Variants in CNTN6 observed in about 807,000 individuals in gnomAD.
CNTN6 encodes contactin-6.
CNTN6 carries 137 observed loss-of-function variants against 122.8 expected under a neutral mutation model. The ratio of observed to expected loss-of-function variants is 1.12; its 90% CI spans 0.97 to 1.29. CNTN6 has a LOEUF of 1.29. Ranked by LOEUF, CNTN6 falls within the 50% of genes most tolerant of loss-of-function variation. CNTN6 has a pLI of 0.00. For synonymous variants in CNTN6, 570 were observed against 426.0 expected (o/e 1.34, Z -4.16); for missense variants, 1,634 against 1,223.4 (o/e 1.34, Z -5.01).
chr3:1,179,802 T>C (rs192009602), intron 2 of CNTN6, among the ~76,000 whole-genome samples: 127 of 152,258 alleles, frequency 8.3e-4, no homozygotes, highest in Non-Finnish European at 1.4e-3. Flanking sequence ...AAAGAGCCTA[T>C]TCTGGGTGCA....
Position 1,147,926 on chromosome 3 carries a change from G to T in CNTN6, c.-82-1G>T. On this transcript the variant is annotated splice_acceptor_variant, in intron 1 of 22. Coordinates refer to ENST00000446702, the MANE Select transcript of CNTN6 (RefSeq NM_001289080.2). LOFTEE classifies it low-confidence loss of function (5UTR_SPLICE). ...TTTCATGACAATTTTGTCTTTTTCA[G>T]ACTCTTGAGATACTGACTGGAAGAT... 1 of 908,770 alleles carries T rather than the reference G, an allele frequency of 1.1e-6. No individual in the cohort carries two copies. The highest frequency in any genetic ancestry group is 1.6e-5 in the South Asian group (1 of 60,610). The allele number at this position is 908,770 out of a possible 1,614,324, so 56.3% of individuals were successfully genotyped here.
At chr3:1,245,225 T>TAAC (rs1308618434) in intron 4 of CNTN6, among the ~76,000 whole-genome samples, 1,215 of 17,192 alleles carry the variant, frequency 0.071, 228 homozygotes, top group Non-Finnish European at 0.091. Flanking sequence ...TATATATATA[T>TAAC]ATATATATAT....
At chr3:1,232,916 G>A (rs145247225) in intron 4 of CNTN6, among the ~76,000 whole-genome samples, 2 of 152,302 alleles carry the variant, frequency 1.3e-5, no homozygotes, top group East Asian at 1.9e-4. Context: ...CGGAAGAACA[G>A]TAAGAGGAAA....
At chr3:1,370,697 A>G (rs529641473) in intron 12 of CNTN6, among the ~76,000 whole-genome samples, 3 of 152,028 alleles carry the variant, frequency 2.0e-5, no homozygotes, top group Admixed American at 1.3e-4. Context: ...AAAATACAAA[A>G]ATTTACCTGG....
chr3:1,239,479 C>A (rs529314102), intron 4 of CNTN6, among the ~76,000 whole-genome samples: 19 of 152,192 alleles, frequency 1.2e-4, no homozygotes, highest in African/African-American at 4.6e-4. Context: ...ATGTGAAAGA[C>A]CTCTACAAGG....
intron 4 of CNTN6, among the ~76,000 whole-genome samples, chr3:1,272,935 G>T (rs77251264): frequency 1.3e-5 from 2 of 152,150 alleles, no homozygotes; most frequent in African/African-American, 4.8e-5. Context: ...GGTGGCCCTT[G>T]TCCCTCCCTT....
At chr3:1,389,394 A>C (rs1455168374) in intron 20 of CNTN6, among the ~76,000 whole-genome samples, 2 of 152,056 alleles carry the variant, frequency 1.3e-5, no homozygotes. Context: ...GCCTGCCCTA[A>C]AAGTGCTCCT....
rs73819714 is a variant in CNTN6 at position 1,351,645 on chromosome 3, G to T, written c.1365-679G>T. ...TAATATGGATTATTTTATGAAAGAT[G>T]GGAACTTCTTTGGCAGATGAACCTC... On this transcript the variant is annotated intron_variant, in intron 11 of 22. Transcript: ENST00000446702. Among the ~76,000 whole-genome samples, 870 of 151,312 alleles carry T rather than the reference G, an allele frequency of 5.7e-3. 12 individuals carry two copies. Among genetic ancestry groups the T allele is most frequent in the African/African-American group, 0.02 (818 of 41,364 alleles).
intron 1 of CNTN6, among the ~76,000 whole-genome samples, chr3:1,125,664 T>C (rs1042797256): frequency 2.6e-5 from 4 of 151,688 alleles, no homozygotes; most frequent in Non-Finnish European, 5.9e-5. Flanking sequence ...TGTCAGCTAC[T>C]AGATGCACCA....
intron 2 of CNTN6, among the ~76,000 whole-genome samples, chr3:1,213,032 C>T (rs1425123210): frequency 6.6e-6 from 1 of 152,110 alleles, no homozygotes; most frequent in Non-Finnish European, 1.5e-5. Context: ...AGAAAAATGT[C>T]TTTAAGTTTC....
In CNTN6 at chr3:1,253,408, AATT is replaced by A. The variant is rs549590066; in HGVS notation, c.359-24999_359-24997del. Among the ~76,000 whole-genome samples the A allele has an allele frequency of 2.3e-3, 353 of 152,138 alleles. 8 individuals carry two copies. The highest frequency in any genetic ancestry group is 0.019 in the Admixed American group (295 of 15,282). On this transcript the variant is annotated intron_variant, in intron 4 of 22. Coordinates refer to ENST00000446702, the MANE Select transcript of CNTN6 (RefSeq NM_001289080.2). The stretch of plus-strand genomic sequence containing the variant: ...AGTTATTGGTGTTTATATACTCTAT[AATT>A]ATTATATGTTGATAAATGGTTATGT...
intron 4 of CNTN6, among the ~76,000 whole-genome samples, chr3:1,245,787 G>A (rs1043248977): frequency 1.3e-5 from 2 of 151,960 alleles, no homozygotes; most frequent in African/African-American, 4.8e-5. Context: ...AGTTTTGATG[G>A]AAATCCATTG....
intron 4 of CNTN6, among the ~76,000 whole-genome samples, chr3:1,250,364 C>T (rs1266298061): frequency 6.6e-6 from 1 of 152,158 alleles, no homozygotes; most frequent in Non-Finnish European, 1.5e-5. Context: ...CTATCCTCCA[C>T]CTTCTTTCCA....
At chr3:1,187,240 GT>G (rs1414001286) in intron 2 of CNTN6, among the ~76,000 whole-genome samples, 2 of 151,658 alleles carry the variant, frequency 1.3e-5, no homozygotes, top group South Asian at 4.2e-4. Flanking sequence ...AATGAAGTAT[GT>G]TTTTTGTAAC....
At chr3:1,330,606 C>T (rs1575731714) in intron 11 of CNTN6, among the ~76,000 whole-genome samples, 1 of 151,862 alleles carries the variant, frequency 6.6e-6, no homozygotes, top group Non-Finnish European at 1.5e-5. Context: ...TAATGACTCA[C>T]ATGTGTTACT....
chr3:1,309,703 T>C (rs1305104543), intron 7 of CNTN6, among the ~76,000 whole-genome samples: 2 of 152,218 alleles, frequency 1.3e-5, no homozygotes, highest in Admixed American at 6.5e-5. Flanking sequence ...TTGACTTAAA[T>C]CTATTGATCA....
chr3:1,273,850 A>G (rs1408978088), intron 4 of CNTN6, among the ~76,000 whole-genome samples: 1 of 152,190 alleles, frequency 6.6e-6, no homozygotes, highest in African/African-American at 2.4e-5. Flanking sequence ...AACACAGAAT[A>G]TATTAAAGTA....
At chr3:1,268,792 C>T (rs1043615802) in intron 4 of CNTN6, among the ~76,000 whole-genome samples, 2 of 151,550 alleles carry the variant, frequency 1.3e-5, no homozygotes, top group African/African-American at 4.9e-5. Context: ...CATCATCCGA[C>T]ACTGAGATGA....
intron 20 of CNTN6, among the ~76,000 whole-genome samples, chr3:1,393,504 A>G (rs2126233693): frequency 6.7e-6 from 1 of 148,714 alleles, no homozygotes; most frequent in Admixed American, 6.7e-5. Context: ...ACATGTATAC[A>G]TATGTAACTA....
Sources: allele counts gnomAD v4.1 joint callset (sites outside exome capture counted in the v4.1 genomes callset), GRCh38; gene constraint gnomAD v4.1.1; transcripts MANE v1.5; gene names NCBI Gene and HGNC (gene_info 2026-07-23, HGNC 2026-07-21).